CHCHD3: variants seen among roughly 807,000 people sequenced by gnomAD.
CHCHD3 encodes the protein MICOS complex subunit MIC19.
In CHCHD3, 20 loss-of-function variants were observed where a neutral mutation model predicts 38.2. The ratio of observed to expected loss-of-function variants is 0.52; its 90% confidence interval spans 0.37 to 0.76. CHCHD3 has a LOEUF of 0.76. Ranked by LOEUF, CHCHD3 falls within the 30% of genes least tolerant of loss-of-function variation. The probability of loss-of-function intolerance (pLI) is 0.00; values close to 1 mark genes in which losing one functional copy is unlikely to be tolerated. For synonymous variants in CHCHD3, 82 were observed against 100.0 expected (o/e 0.82, Z 1.07); for missense variants, 245 against 279.2 (o/e 0.88, Z 0.87).
intron 3 of CHCHD3, among the ~76,000 whole-genome samples, chr7:133,018,506 GA>G (rs1249289759): frequency 1.3e-5 from 2 of 152,130 alleles, no homozygotes; most frequent in Admixed American, 1.3e-4. Flanking sequence ...CAATAGTACT[GA>G]TTCCCTGAAA....
At chr7:132,846,443 TTTAAGCCA>T (rs1433405763) in intron 5 of CHCHD3, among the ~76,000 whole-genome samples, 6 of 152,242 alleles carry the variant, frequency 3.9e-5, no homozygotes, top group African/African-American at 1.4e-4. Flanking sequence ...TGGTAGCTGT[TTTAAGCCA>T]CTAAGTTTGT....
intron 4 of CHCHD3, among the ~76,000 whole-genome samples, chr7:132,913,882 C>T (rs910968724): frequency 3.3e-5 from 5 of 151,860 alleles, no homozygotes; most frequent in African/African-American, 9.7e-5. Flanking sequence ...CCAATGGGTG[C>T]TTCGGAGCCA....
At chr7:133,041,368 T>C (rs1408078692) in intron 2 of CHCHD3, among the ~76,000 whole-genome samples, 2 of 152,320 alleles carry the variant, frequency 1.3e-5, no homozygotes, top group East Asian at 3.9e-4. Flanking sequence ...CTAAATTACC[T>C]TTCCTACTCT....
Position 133,061,098 on chromosome 7 carries a change from T to C in CHCHD3, c.169+9044A>G, listed in dbSNP as rs1382360140. Among the ~76,000 whole-genome samples the C allele has an allele frequency of 2.0e-5, 3 of 152,010 alleles. No individual in the cohort carries two copies. The East Asian group carries it at 5.8e-4, about 29-fold the overall frequency. On this transcript the variant is annotated intron_variant, in intron 2 of 7. Coordinates refer to ENST00000262570, the MANE Select transcript of CHCHD3 (RefSeq NM_017812.4). ...AGCAGGAGATGGATTGTACAGGACC[T>C]TGCTGGCTATGTAAGAGATTTGGGC... is the stretch of plus-strand genomic sequence containing the variant.
At chr7:132,920,848 T>TA (rs61433548) in intron 4 of CHCHD3, among the ~76,000 whole-genome samples, 158 of 144,196 alleles carry the variant, frequency 1.1e-3, no homozygotes, top group Admixed American at 9.7e-4. Flanking sequence ...CAGACTGCCT[T>TA]AAAAAAAAAA....
intron 4 of CHCHD3, among the ~76,000 whole-genome samples, chr7:132,922,784 T>C (rs1810293088): frequency 6.6e-6 from 1 of 152,124 alleles, no homozygotes; most frequent in South Asian, 2.1e-4. Context: ...TTACGTTTAC[T>C]TACAAATAGC....
chr7:132,801,520 G>A (rs960026929), intron 6 of CHCHD3, among the ~76,000 whole-genome samples: 19 of 152,132 alleles, frequency 1.2e-4, no homozygotes, highest in African/African-American at 4.3e-4. Context: ...CTAACATGAT[G>A]AATGTTAACT....
At chr7:132,992,199 C>T (rs186263675) in intron 3 of CHCHD3, among the ~76,000 whole-genome samples, 2 of 152,324 alleles carry the variant, frequency 1.3e-5, no homozygotes, top group East Asian at 3.9e-4. Context: ...AGCAGCAGCA[C>T]TTGCTCCTGC....
intron 2 of CHCHD3, among the ~76,000 whole-genome samples, chr7:133,036,547 T>A (rs1342240752): frequency 6.6e-6 from 1 of 152,202 alleles, no homozygotes; most frequent in African/African-American, 2.4e-5. Context: ...CATATCTGGT[T>A]CATCTTAAAT....
rs189600559 is a variant in CHCHD3, at chr7:132,992,031, G to A, written c.252-16745C>T. Among the ~76,000 whole-genome samples, 342 of 152,258 alleles carry A rather than the reference G, an allele frequency of 2.2e-3. 3 individuals carry two copies. The highest frequency in any genetic ancestry group is 7.8e-3 in the African/African-American group (325 of 41,532). ...CTGCTTCATGATGTGGAGCTGGCGG[G>A]GAAGGCAAGGTCTCTAAACACATTT... On this transcript the variant is annotated intron_variant, in intron 3 of 7. Coordinates refer to ENST00000262570, the MANE Select transcript of CHCHD3 (RefSeq NM_017812.4).
intron 5 of CHCHD3, among the ~76,000 whole-genome samples, chr7:132,878,606 C>A (rs1264489402): frequency 6.6e-6 from 1 of 152,294 alleles, no homozygotes; most frequent in East Asian, 1.9e-4. Flanking sequence ...TTATCTAATT[C>A]TCTCTCCCTT....
At chr7:133,026,068 A>C (rs1813328189) in intron 2 of CHCHD3, among the ~76,000 whole-genome samples, 1 of 152,224 alleles carries the variant, frequency 6.6e-6, no homozygotes, top group Non-Finnish European at 1.5e-5. Context: ...TACCATCAAA[A>C]AGCTAAAAAG....
chr7:132,837,965 A>T (rs1302201590), intron 6 of CHCHD3, among the ~76,000 whole-genome samples: 1 of 152,208 alleles, frequency 6.6e-6, no homozygotes, highest in Non-Finnish European at 1.5e-5. Flanking sequence ...CTTTCAAGGT[A>T]CATGTGAAGA....
intron 4 of CHCHD3, among the ~76,000 whole-genome samples, chr7:132,897,653 AT>A (rs988222518): frequency 6.6e-6 from 1 of 152,130 alleles, no homozygotes; most frequent in African/African-American, 2.4e-5. Context: ...AGAGAAGAAA[AT>A]GTAAAAAATT....
intron 4 of CHCHD3, among the ~76,000 whole-genome samples, chr7:132,900,995 A>C (rs181181899): frequency 1.3e-3 from 204 of 152,316 alleles, no homozygotes; most frequent in African/African-American, 4.7e-3. Flanking sequence ...CCTCTCAAAA[A>C]ACAAAAAACA....
intron 4 of CHCHD3, among the ~76,000 whole-genome samples, chr7:132,970,962 T>A (rs1472773403): frequency 6.6e-6 from 1 of 151,962 alleles, no homozygotes; most frequent in African/African-American, 2.4e-5. Context: ...AATTAAAATT[T>A]AAAAAATCTA....
At chr7:132,898,641 C>T (rs950007772) in intron 4 of CHCHD3, among the ~76,000 whole-genome samples, 4 of 152,348 alleles carry the variant, frequency 2.6e-5, no homozygotes, top group Non-Finnish European at 4.4e-5. Context: ...TGGGACTGGG[C>T]GCTGTGGAGC....
At position 132,963,322 on chromosome 7, in the gene CHCHD3, A is replaced by ATTTTTT. The variant is rs1005146883; in HGVS notation, c.369+11841_369+11846dup. Among the ~76,000 whole-genome samples, 26 of 87,572 alleles carry ATTTTTT rather than the reference A, an allele frequency of 3.0e-4. 1 individual carries two copies. The highest frequency in any genetic ancestry group is 2.3e-3 in the South Asian group (5 of 2,138). The allele number at this position is 87,572 out of a possible 152,430, so 57.5% of individuals were successfully genotyped here. ...TTAAGAAAGGAATTTTAAAATTGTA[A>ATTTTTT]TTTTTTTTTTTTTTTTTTTTTTTTT... On this transcript the variant is annotated intron_variant, in intron 4 of 7. Coordinates refer to ENST00000262570, the MANE Select transcript of CHCHD3 (RefSeq NM_017812.4).
At chr7:132,866,158 T>G (rs1356029946) in intron 5 of CHCHD3, among the ~76,000 whole-genome samples, 1 of 152,154 alleles carries the variant, frequency 6.6e-6, no homozygotes, top group African/African-American at 2.4e-5. Context: ...TTATTTAACT[T>G]TGGTAGAACA....
Sources: gnomAD v4.1 joint callset for allele counts (sites outside exome capture counted in the v4.1 genomes callset) on GRCh38, gnomAD v4.1.1 for gene constraint, MANE v1.5 for transcripts, NCBI Gene and HGNC (gene_info 2026-07-23, HGNC 2026-07-21) for gene names.